Variants in VPS13D observed in about 807,000 individuals in gnomAD.
VPS13D encodes vacuolar protein sorting 13 homolog D.
A neutral mutation model predicts 461.9 loss-of-function variants in VPS13D; 187 were observed. The observed-to-expected ratio is 0.40, with a 90% CI of 0.36 to 0.46. The LOEUF (loss-of-function observed/expected upper bound fraction) is 0.46, where lower values mean the gene tolerates loss of function less well. Ranked by LOEUF, VPS13D falls within the 20% of genes least tolerant of loss-of-function variation. The probability of loss-of-function intolerance (pLI) is 0.60; values close to 1 mark genes in which losing one functional copy is unlikely to be tolerated. For missense variants in VPS13D, 4,711 were observed against 5,364.9 expected (o/e 0.88, Z 3.81); for synonymous variants, 1,951 against 1,986.3 (o/e 0.98, Z 0.47).
At chr1:12,472,235 C>G (rs1557460826) in intron 67 of VPS13D, among the ~76,000 whole-genome samples, 1 of 152,164 alleles carries the variant, frequency 6.6e-6, no homozygotes, top group Non-Finnish European at 1.5e-5. Context: ...AGATGAGGCA[C>G]TAAAAAGCCA....
At chr1:12,368,654 G>T in intron 53 of VPS13D, 63 bp downstream of exon 53, 8 of 1,547,858 alleles carry the variant, frequency 5.2e-6, no homozygotes, top group Non-Finnish European at 7.0e-6. Context: ...AGTGTGTACT[G>T]CCCTTGACAC....
chr1:12,459,881 C>T (rs903126504), intron 66 of VPS13D, among the ~76,000 whole-genome samples: 4 of 151,906 alleles, frequency 2.6e-5, no homozygotes, highest in Admixed American at 6.6e-5. Context: ...CTCTCCTGAT[C>T]GTCCGTAGGC....
At chr1:12,407,178 A>G (rs1407634972) in intron 63 of VPS13D, 2 of 152,246 alleles carry the variant, frequency 1.3e-5, no homozygotes, top group African/African-American at 4.8e-5. Context: ...CCCAAGAGGG[A>G]AATAGGCAAA....
chr1:12,270,399 C>T (rs1641403159), intron 16 of VPS13D, among the ~76,000 whole-genome samples: 1 of 150,576 alleles, frequency 6.6e-6, no homozygotes, highest in Non-Finnish European at 1.5e-5. Context: ...TGCAGTGAGC[C>T]AAGATCATGC....
intron 2 of VPS13D, among the ~76,000 whole-genome samples, chr1:12,241,071 GC>G (rs372836215): frequency 8.6e-4 from 131 of 152,146 alleles, no homozygotes; most frequent in African/African-American, 2.9e-3. Context: ...CTCCCCAGTA[GC>G]TGGGACTACA....
In VPS13D at chr1:12,299,926, T is replaced by G. The variant is rs908096035; in HGVS notation, c.6216+542T>G. Among the ~76,000 whole-genome samples the G allele has an allele frequency of 1.3e-5, 2 of 152,038 alleles. No homozygotes were observed. The highest frequency in any genetic ancestry group is 4.8e-5 in the African/African-American group (2 of 41,384). On this transcript the variant is annotated intron_variant, in intron 25 of 69. Coordinates refer to ENST00000620676, the MANE Select transcript of VPS13D (RefSeq NM_015378.4). This position sits in a 1 kb window ranked among gnomAD's most constrained non-coding sequence, Gnocchi z 4.2. ...CTTTTTTTTTTTTTCAACTTTTGTTTTAGATACAGGGGGTACATGTGCAGG... is the reference window on the plus strand; with the variant it reads ...CTTTTTTTTTTTTTCAACTTTTGTTGTAGATACAGGGGGTACATGTGCAGG...
chr1:12,457,513 C>T (rs1451857218), intron 66 of VPS13D, among the ~76,000 whole-genome samples: 1 of 152,212 alleles, frequency 6.6e-6, no homozygotes, highest in African/African-American at 2.4e-5. Flanking sequence ...CACATGACAC[C>T]TGGCACATAG....
At chr1:12,382,794 A>C (rs1450298443) in intron 57 of VPS13D, among the ~76,000 whole-genome samples, 182 bp from the exon 58 acceptor site, 3 of 152,218 alleles carry the variant, frequency 2.0e-5, no homozygotes, top group Admixed American at 6.5e-5. Context: ...CATCTTACTG[A>C]AGTAATTCTC....
At chr1:12,331,646 A>C (rs1643334921) in intron 37 of VPS13D, among the ~76,000 whole-genome samples, 2 of 145,210 alleles carry the variant, frequency 1.4e-5, no homozygotes, top group African/African-American at 5.1e-5. Flanking sequence ...CAGGAGGTGG[A>C]GATTACAGTG....
chr1:12,401,028 G>A (rs1398852145), intron 61 of VPS13D, among the ~76,000 whole-genome samples: 1 of 150,338 alleles, frequency 6.7e-6, no homozygotes, highest in African/African-American at 2.5e-5. Flanking sequence ...ATTGGGAAAG[G>A]GCTATGATGG....
chr1:12,346,272 A>AAAAAACAAAAAC (rs754593857), intron 43 of VPS13D, among the ~76,000 whole-genome samples: 2 of 152,188 alleles, frequency 1.3e-5, no homozygotes, highest in Non-Finnish European at 2.9e-5. Flanking sequence ...GTTTCTTACA[A>AAAAAACAAAAAC]AAAAACAAAA....
chr1:12,343,057 G>A lies in VPS13D; in HGVS notation c.8885+6G>A. On this transcript the variant is annotated splice_donor_region_variant and intron_variant, in intron 42 of 69. Coordinates refer to ENST00000620676, the MANE Select transcript of VPS13D (RefSeq NM_015378.4). ...AGAGGAAAGTTAAGACACAGGTAAA[G>A]TATGGTTTATTCTTTTCTTTAAAAA... The A allele has an allele frequency of 1.2e-6, 2 of 1,606,930 alleles. No individual in the cohort carries two copies. The highest frequency in any genetic ancestry group is 1.7e-6 in the Non-Finnish European group (2 of 1,174,898).
intron 54 of VPS13D, among the ~76,000 whole-genome samples, chr1:12,372,943 G>T (rs1265028337): frequency 6.6e-6 from 1 of 151,576 alleles, no homozygotes; most frequent in Non-Finnish European, 1.5e-5. Flanking sequence ...AACGTAACAC[G>T]ATTGAATTGG....
chr1:12,286,038 C>CTCCCT (rs1487667563), intron 21 of VPS13D, among the ~76,000 whole-genome samples: 16 of 142,838 alleles, frequency 1.1e-4, no homozygotes, highest in Non-Finnish European at 2.1e-4. Context: ...CTCCCCTCCC[C>CTCCCT]TCCCTTCCCT....
At position 12,349,213 on chromosome 1, in the gene VPS13D, T is replaced by G. The variant is rs1453470414; in HGVS notation, c.9270T>G (p.Pro3090=). ...TGCCAGGGGATTCGTTTGCTGTGCC[T>G]TTACACCTCACTTCTTGGCGGCTAC... ...AIMPGDSFAV[P]LHLTSWRLQA... is the part of the protein sequence containing the mutation. Residue 3090 remains proline (P), a synonymous_variant, in exon 46 of 70, where the codon CCT becomes CCG. Coordinates refer to ENST00000620676, the MANE Select transcript of VPS13D (RefSeq NM_015378.4). The G allele has an allele frequency of 6.2e-7, 1 of 1,614,208 alleles. No individual in the cohort carries two copies. Among genetic ancestry groups the G allele is most frequent in the South Asian group, 1.1e-5 (1 of 91,086 alleles).
chr1:12,343,161 T>C lies in VPS13D; in HGVS notation c.8885+110T>C, dbSNP rs561859224. On this transcript the variant is annotated intron_variant, in intron 42 of 69. Transcript: ENST00000620676. ...TATAAATGATTTTATTTTATTTTATTTTATCTTATCTTATTTTATTTTATT... is the reference window on the plus strand; with the variant it reads ...TATAAATGATTTTATTTTATTTTATCTTATCTTATCTTATTTTATTTTATT... 40 of 906,216 alleles carry C rather than the reference T, an allele frequency of 4.4e-5. No individual in the cohort carries two copies. The African/African-American group carries it at 6.2e-4, about 14-fold the overall frequency. 56.1% of individuals were successfully genotyped at this position (906,216 alleles called of 1,614,324 possible). A position where few individuals can be genotyped will look rare whatever the true frequency, so the allele number is the denominator to read the frequency against.
At chr1:12,272,691 G>T in intron 17 of VPS13D, among the ~76,000 whole-genome samples, 1 of 152,050 alleles carries the variant, frequency 6.6e-6, no homozygotes, top group East Asian at 1.9e-4. Context: ...ATGTTTATTT[G>T]AATTCTATAA....
Position 12,345,264 on chromosome 1 carries a change from C to T in VPS13D, c.8886-110C>T, listed in dbSNP as rs1643651324. The T allele has an allele frequency of 3.0e-6, 4 of 1,330,178 alleles. No homozygotes were observed. The African/African-American group carries it at 4.4e-5, about 15-fold the overall frequency. 82.4% of individuals were successfully genotyped at this position (1,330,178 alleles called of 1,614,324 possible). ...TTAGGTAATCTCCAAAAGGTTTAGC[C>T]AACTGGGTTTTTACATCATATGTAC... is the stretch of plus-strand genomic sequence containing the variant. On this transcript the variant is annotated intron_variant, in intron 42 of 69. Coordinates refer to ENST00000620676, the MANE Select transcript of VPS13D (RefSeq NM_015378.4).
chr1:12,302,687 C>T (rs577343635), intron 25 of VPS13D, among the ~76,000 whole-genome samples: 59 of 152,112 alleles, frequency 3.9e-4, no homozygotes, highest in Non-Finnish European at 1.8e-4. Context: ...TCCACATTCA[C>T]ATGCTTTAAA....
Sources: gnomAD v4.1 joint callset for allele counts (sites outside exome capture counted in the v4.1 genomes callset) on GRCh38, gnomAD v4.1.1 for gene constraint, Gnocchi (gnomAD v3.1) non-coding constraint, MANE v1.5 for transcripts, NCBI Gene and HGNC (gene_info 2026-07-23, HGNC 2026-07-21) for gene names.